The following HCRTR2 variants were observed in gnomAD, a reference collection of about 807,000 sequenced individuals.
The protein encoded by HCRTR2 is hypocretin receptor 2, also known as orexin receptor type 2.
In HCRTR2, 22 loss-of-function variants were observed where a neutral mutation model predicts 49.0. The observed-to-expected ratio is 0.45, with a 90% confidence interval of 0.32 to 0.64. HCRTR2 has a LOEUF of 0.64. HCRTR2 is among the 30% of genes least tolerant of loss of function. The pLI is 0.04. For synonymous variants in HCRTR2, 236 were observed against 205.3 expected (o/e 1.15, Z -1.28); for missense variants, 491 against 559.4 (o/e 0.88, Z 1.23).
chr6:55,192,257 A>G (rs1024305563), intron 1 of HCRTR2, among the ~76,000 whole-genome samples: 5 of 152,112 alleles, frequency 3.3e-5, no homozygotes, highest in Admixed American at 2.0e-4. Context: ...GGCTTTTGCT[A>G]AGAAAGTAAT....
chr6:55,243,452 A>G (rs541754667), intron 1 of HCRTR2, among the ~76,000 whole-genome samples: 1 of 152,306 alleles, frequency 6.6e-6, no homozygotes, highest in African/African-American at 2.4e-5. Flanking sequence ...ACCATAGCCT[A>G]CTTTATGTCT....
downstream of HCRTR2, among the ~76,000 whole-genome samples, chr6:55,283,786 T>A (rs538513070): frequency 9.2e-5 from 14 of 152,274 alleles, no homozygotes; most frequent in Admixed American, 2.0e-4. Flanking sequence ...CATAGAAAAT[T>A]AATTTTTGTT....
intron 1 of HCRTR2, among the ~76,000 whole-genome samples, chr6:55,187,808 G>A (rs1029498332): frequency 6.7e-6 from 1 of 148,972 alleles, no homozygotes; most frequent in African/African-American, 2.5e-5. Context: ...GTGAGTAAAT[G>A]CTCTGTCTCC....
In HCRTR2 at chr6:55,129,831, G is replaced by T. The variant is rs369659252; in HGVS notation, c.-378+23286G>T. 1.2e-4 allele frequency among the ~76,000 whole-genome samples: 18 copies of T among 151,920 alleles called. No homozygotes were observed. In the East Asian group the frequency reaches 3.3e-3, roughly 28 times the overall value. On this transcript the variant is annotated intron_variant, in intron 1 of 7. Transcript: ENST00000615358. ...ATTCTTCAATCATTTCACTTTTCCTGCAAGATGACATTCAAATTTCTATAG... is the reference window on the plus strand; with the variant it reads ...ATTCTTCAATCATTTCACTTTTCCTTCAAGATGACATTCAAATTTCTATAG...
At chr6:55,230,672 G>A (rs1405124680) in intron 1 of HCRTR2, among the ~76,000 whole-genome samples, 1 of 152,044 alleles carries the variant, frequency 6.6e-6, no homozygotes, top group Admixed American at 6.6e-5. Context: ...TTTGTATTTT[G>A]TACGAAATGG....
At chr6:55,193,860 G>C (rs183132231) in intron 1 of HCRTR2, among the ~76,000 whole-genome samples, 1 of 152,146 alleles carries the variant, frequency 6.6e-6, no homozygotes. Context: ...GGGTTTCTCT[G>C]ACCTTTCCTC....
At chr6:55,177,207 G>A (rs905664650) in intron 1 of HCRTR2, among the ~76,000 whole-genome samples, 2 of 152,132 alleles carry the variant, frequency 1.3e-5, no homozygotes, top group Non-Finnish European at 2.9e-5. Context: ...TAAAAAGAAA[G>A]ATTTACTCAA....
intron 5 of HCRTR2, 41 bp downstream of exon 5, chr6:55,277,641 T>C: frequency 6.9e-7 from 1 of 1,449,342 alleles, no homozygotes; most frequent in Non-Finnish European, 9.6e-7. Flanking sequence ...TAGCCTGCCT[T>C]TTCTTGATTC....
chr6:55,193,618 T>C (rs1765359235), intron 1 of HCRTR2, among the ~76,000 whole-genome samples: 1 of 151,940 alleles, frequency 6.6e-6, no homozygotes, highest in African/African-American at 2.4e-5. Context: ...TATGGGGGCA[T>C]TCCTATGGTC....
intron 1 of HCRTR2, among the ~76,000 whole-genome samples, chr6:55,126,254 T>C (rs963208160): frequency 1.3e-5 from 2 of 152,308 alleles, no homozygotes; most frequent in South Asian, 4.1e-4. Flanking sequence ...TCTTTGTGGA[T>C]TTATCTACCT....
chr6:55,207,217 A>G (rs1765617110), intron 1 of HCRTR2, among the ~76,000 whole-genome samples: 1 of 152,132 alleles, frequency 6.6e-6, no homozygotes, highest in Non-Finnish European at 1.5e-5. Context: ...ATAAATTGTT[A>G]CATTTCACTA....
intron 1 of HCRTR2, among the ~76,000 whole-genome samples, chr6:55,127,040 G>T (rs564765588): frequency 6.6e-6 from 1 of 152,228 alleles, no homozygotes; most frequent in Admixed American, 6.5e-5. Flanking sequence ...TGACCACTTG[G>T]CTGCCTGGCT....
chr6:55,121,198 T>C (rs1341942041), intron 1 of HCRTR2, among the ~76,000 whole-genome samples: 2 of 152,126 alleles, frequency 1.3e-5, no homozygotes, highest in African/African-American at 4.8e-5. Flanking sequence ...ACATCCCTTG[T>C]AAGTTGGATT....
intron 1 of HCRTR2, among the ~76,000 whole-genome samples, chr6:55,241,099 A>G (rs909068615): frequency 2.0e-5 from 3 of 148,846 alleles, no homozygotes; most frequent in East Asian, 4.1e-4. Flanking sequence ...CATTATGTAT[A>G]TCTCCCAATG....
In HCRTR2 at chr6:55,255,196, G is replaced by A. The variant is rs765386447; in HGVS notation, c.463G>A (p.Ala155Thr). Residue 155 changes from alanine (A) to threonine (T), a missense_variant, in exon 3 of 7, where the codon GCA (alanine) becomes ACA (threonine). Physicochemically the swap from Ala to Thr is moderately conservative, Grantham distance 58. Coordinates refer to ENST00000370862, the MANE Select transcript of HCRTR2 (RefSeq NM_001384272.1). Reference protein sequence around the residue: ...LSCIALDRWYAICHPLMFKST... With the variant: ...LSCIALDRWYTICHPLMFKST... ...CTGTATCGCCTTGGATCGGTGGTAT[G>A]CAATCTGTCACCCTTTGATGTTTAA... 6.2e-7 allele frequency: 1 copy of A among 1,613,948 alleles called. No homozygotes were observed. The highest frequency in any genetic ancestry group is 1.1e-5 in the South Asian group (1 of 91,076).
At chr6:55,109,514 G>T (rs1764020831) in intron 1 of HCRTR2, among the ~76,000 whole-genome samples, 1 of 151,848 alleles carries the variant, frequency 6.6e-6, no homozygotes. Flanking sequence ...AGAGAAATAG[G>T]TAGCATAAGA....
At chr6:55,130,699 C>T (rs548963896) in intron 1 of HCRTR2, among the ~76,000 whole-genome samples, 1 of 151,950 alleles carries the variant, frequency 6.6e-6, no homozygotes, top group South Asian at 2.1e-4. Flanking sequence ...TTTAAATCTC[C>T]AATCTCTTCC....
At chr6:55,134,514 A>G (rs1764407717) in intron 1 of HCRTR2, among the ~76,000 whole-genome samples, 1 of 151,858 alleles carries the variant, frequency 6.6e-6, no homozygotes, top group Non-Finnish European at 1.5e-5. Flanking sequence ...AGCAAATTTC[A>G]AGTATATAGT....
intron 1 of HCRTR2, among the ~76,000 whole-genome samples, chr6:55,216,657 G>A (rs1437425894): frequency 6.6e-6 from 1 of 152,176 alleles, no homozygotes; most frequent in African/African-American, 2.4e-5. Flanking sequence ...GGAACACATT[G>A]AGCCACTCTG....
Sources: gnomAD v4.1 joint callset for allele counts (sites outside exome capture counted in the v4.1 genomes callset) on GRCh38, gnomAD v4.1.1 for gene constraint, MANE v1.5 for transcripts, NCBI Gene and HGNC (gene_info 2026-07-23, HGNC 2026-07-21) for gene names.